SUCLG2: variants seen among roughly 807,000 people sequenced by gnomAD.
SUCLG2 encodes succinate--CoA ligase [GDP-forming] subunit beta, mitochondrial.
A neutral mutation model predicts 47.9 loss-of-function variants in SUCLG2; 42 were observed. The observed-to-expected ratio is 0.88, with a 90% CI of 0.69 to 1.14. SUCLG2 has a LOEUF of 1.14. SUCLG2 is among the 50% of genes most tolerant of loss of function. The pLI is 0.00. For synonymous variants in SUCLG2, 195 were observed against 197.3 expected (o/e 0.99, Z 0.10); for missense variants, 571 against 525.9 (o/e 1.09, Z -0.84).
At chr3:67,465,310 C>T (rs1470586860) in intron 9 of SUCLG2, among the ~76,000 whole-genome samples, 1 of 152,224 alleles carries the variant, frequency 6.6e-6, no homozygotes, top group African/African-American at 2.4e-5. Flanking sequence ...CTGGGCCCAG[C>T]TTCACTCTCA....
downstream of SUCLG2, among the ~76,000 whole-genome samples, chr3:67,372,474 TGA>T (rs1701968365): frequency 6.6e-6 from 1 of 152,088 alleles, no homozygotes; most frequent in African/African-American, 2.4e-5. Context: ...ACTTTGAGGA[TGA>T]GTTAGTTGAT....
intron 1 of SUCLG2, among the ~76,000 whole-genome samples, chr3:67,631,071 G>C (rs1256939270): frequency 1.3e-5 from 2 of 152,186 alleles, no homozygotes; most frequent in Non-Finnish European, 2.9e-5. Context: ...TGAGGAAATT[G>C]CAGGCTGATG....
chr3:67,637,988 A>C (rs1397597721), intron 1 of SUCLG2, among the ~76,000 whole-genome samples: 1 of 152,206 alleles, frequency 6.6e-6, no homozygotes, highest in East Asian at 1.9e-4. Context: ...AGGTCCTAGG[A>C]AGTGCTGTTT....
intron 9 of SUCLG2, among the ~76,000 whole-genome samples, chr3:67,487,497 T>TACAC (rs780375893): frequency 1.8e-5 from 1 of 55,048 alleles, no homozygotes; most frequent in African/African-American, 7.4e-5. Context: ...CAAACACACA[T>TACAC]ATACACACAC....
At chr3:67,417,301 C>A (rs1283676296) in intron 9 of SUCLG2, among the ~76,000 whole-genome samples, 1 of 152,214 alleles carries the variant, frequency 6.6e-6, no homozygotes, top group Non-Finnish European at 1.5e-5. Flanking sequence ...ACAGTAATTT[C>A]ATTTTCAAGG....
intron 1 of SUCLG2, among the ~76,000 whole-genome samples, chr3:67,636,501 C>T (rs1331127928): frequency 6.6e-6 from 1 of 151,946 alleles, no homozygotes; most frequent in East Asian, 1.9e-4. Flanking sequence ...TACAGGCGCC[C>T]GCCACTGCAC....
At chr3:67,424,969 T>C (rs1703260877) in intron 9 of SUCLG2, among the ~76,000 whole-genome samples, 1 of 152,150 alleles carries the variant, frequency 6.6e-6, no homozygotes, top group South Asian at 2.1e-4. Context: ...CTTCCAACTC[T>C]TCTGCTATCA....
At chr3:67,468,681 C>T (rs75000537) in intron 9 of SUCLG2, among the ~76,000 whole-genome samples, 2,103 of 152,204 alleles carry the variant, frequency 0.014, 28 homozygotes, top group Non-Finnish European at 0.021. Flanking sequence ...AGTCATCACA[C>T]GGCTCGGGCT....
chr3:67,505,275 T>C (rs967182591), intron 7 of SUCLG2, among the ~76,000 whole-genome samples: 3 of 152,330 alleles, frequency 2.0e-5, no homozygotes, highest in East Asian at 1.9e-4. Context: ...AGCAAATCCC[T>C]GATTCTCTTC....
chr3:67,520,355 C>G (rs1180974625), intron 5 of SUCLG2, 127 bp downstream of exon 5: 5 of 1,357,330 alleles, frequency 3.7e-6, no homozygotes, highest in African/African-American at 2.9e-5. Context: ...AAAAAGGGCT[C>G]AGCATCTTCT....
At chr3:67,474,905 A>G (rs950484369) in intron 9 of SUCLG2, among the ~76,000 whole-genome samples, 14 of 152,086 alleles carry the variant, frequency 9.2e-5, no homozygotes, top group African/African-American at 1.9e-4. Flanking sequence ...CAACACCAAC[A>G]TAAGTAGGCT....
chr3:67,583,868 G>T (rs906017538), intron 2 of SUCLG2, among the ~76,000 whole-genome samples: 7 of 152,138 alleles, frequency 4.6e-5, no homozygotes, highest in Admixed American at 3.9e-4. Flanking sequence ...TTCCTCTTGT[G>T]CTTTTAAGGG....
chr3:67,412,111 C>T (rs1461836097), intron 9 of SUCLG2, among the ~76,000 whole-genome samples: 2 of 152,188 alleles, frequency 1.3e-5, no homozygotes, highest in Admixed American at 1.3e-4. Context: ...TCTGACCTTG[C>T]TGTTATCTGT....
chr3:67,537,484 G>T (rs1706577020), intron 2 of SUCLG2, among the ~76,000 whole-genome samples: 1 of 152,184 alleles, frequency 6.6e-6, no homozygotes, highest in Non-Finnish European at 1.5e-5. Context: ...GGGCATTTGG[G>T]TTGGTTCCAA....
At chr3:67,377,946 A>C (rs1439829530) in intron 10 of SUCLG2, among the ~76,000 whole-genome samples, 1 of 152,104 alleles carries the variant, frequency 6.6e-6, no homozygotes, top group East Asian at 1.9e-4. Flanking sequence ...GAGCCCTTGC[A>C]CCCAGCCAAA....
chr3:67,641,047 TA>T (rs1223876987), intron 1 of SUCLG2, among the ~76,000 whole-genome samples: 1 of 152,120 alleles, frequency 6.6e-6, no homozygotes, highest in African/African-American at 2.4e-5. Flanking sequence ...AAAATCAAAA[TA>T]AAAAAATACC....
chr3:67,522,446 A>G (rs1487175059), intron 4 of SUCLG2, among the ~76,000 whole-genome samples: 1 of 151,978 alleles, frequency 6.6e-6, no homozygotes, highest in African/African-American at 2.4e-5. Context: ...ATCCCTGTAG[A>G]TAAGTATCCT....
chr3:67,520,533 C>A lies in SUCLG2; in HGVS notation c.519G>T (p.Gly173=). Residue 173 remains glycine (G), a synonymous_variant, in exon 5 of 11, where the codon GGG becomes GGT. Transcript: ENST00000307227. ...NGPVLVGSPQ[G]GVDIEEVAAS... ...CAGCCACCTCTTCAATGTCGACGCC[C>A]CCCTGGGGGCTGCCCACCAGCACGG... 1 of 1,614,176 alleles carries A rather than the reference C, an allele frequency of 6.2e-7. No individual in the cohort carries two copies. The highest frequency in any genetic ancestry group is 8.5e-7 in the Non-Finnish European group (1 of 1,180,012).
intron 10 of SUCLG2, among the ~76,000 whole-genome samples, chr3:67,388,779 T>G (rs1022209934): frequency 1.3e-5 from 2 of 152,148 alleles, no homozygotes; most frequent in African/African-American, 4.8e-5. Context: ...TTATTCAACA[T>G]GGACTATTAT....
Sources: allele counts gnomAD v4.1 joint callset (sites outside exome capture counted in the v4.1 genomes callset), GRCh38; gene constraint gnomAD v4.1.1; transcripts MANE v1.5; gene names NCBI Gene and HGNC (gene_info 2026-07-23, HGNC 2026-07-21).